PITPNC1: variants seen among roughly 807,000 people sequenced by gnomAD.
The protein encoded by PITPNC1 is cytoplasmic phosphatidylinositol transfer protein 1.
PITPNC1 carries 18 observed loss-of-function variants against 44.7 expected under a neutral mutation model. The observed-to-expected ratio is 0.40, with a 90% CI of 0.28 to 0.60. PITPNC1 has a LOEUF of 0.60. PITPNC1 is among the 20% of genes least tolerant of loss of function. The probability of loss-of-function intolerance (pLI) is 0.39; values close to 1 mark genes in which losing one functional copy is unlikely to be tolerated. For synonymous variants in PITPNC1, 141 were observed against 149.6 expected, an observed-to-expected ratio of 0.94 and a Z score of 0.42; for missense variants, 290 against 418.4, an observed-to-expected ratio of 0.69 and a Z score of 2.68.
chr17:67,653,774 T>C (rs1011179946), intron 6 of PITPNC1, among the ~76,000 whole-genome samples: 4 of 152,182 alleles, frequency 2.6e-5, no homozygotes, highest in Admixed American at 1.3e-4. Flanking sequence ...TGAGTTAATG[T>C]AGGATTTCTT....
At chr17:67,635,562 G>A (rs2042023031) in intron 6 of PITPNC1, among the ~76,000 whole-genome samples, 1 of 152,162 alleles carries the variant, frequency 6.6e-6, no homozygotes, top group Non-Finnish European at 1.5e-5. Context: ...AGAGTATTTG[G>A]CGAATAGGAG....
At chr17:67,569,608 A>G (rs745862114) in intron 4 of PITPNC1, among the ~76,000 whole-genome samples, 21 of 152,210 alleles carry the variant, frequency 1.4e-4, no homozygotes, top group Non-Finnish European at 2.8e-4. Flanking sequence ...TGGAAGGCCA[A>G]TTATAGATGC....
intron 8 of PITPNC1, among the ~76,000 whole-genome samples, chr17:67,683,830 C>T (rs1467912655): frequency 6.6e-6 from 1 of 150,528 alleles, no homozygotes; most frequent in East Asian, 2.0e-4. Flanking sequence ...ATACAAAAAT[C>T]AGCCGGGCGT....
rs774252698 is a variant in PITPNC1, at chr17:67,542,674, T to C, written c.198-9583T>C. Among the ~76,000 whole-genome samples, 39 of 152,166 alleles carry C rather than the reference T, an allele frequency of 2.6e-4. 1 individual carries two copies. Among genetic ancestry groups the C allele is most frequent in the Non-Finnish European group, 5.0e-4 (34 of 68,036 alleles). ...GATGTTCCCAGTGCCCATTTAATAA[T>C]GTACACAGACAATTATCATTGACCT... On this transcript the variant is annotated intron_variant, in intron 2 of 8. Transcript: ENST00000581322.
intron 5 of PITPNC1, among the ~76,000 whole-genome samples, chr17:67,599,030 A>ATTTTT (rs2041503726): frequency 3.3e-5 from 1 of 30,204 alleles, no homozygotes; most frequent in Admixed American, 3.7e-4. Flanking sequence ...ATATATATAT[A>ATTTTT]TATATTTTTT....
chr17:67,678,180 C>T lies in PITPNC1; in HGVS notation c.682+2638C>T, dbSNP rs192391370. ...GCAGTGAGCTATGATCGCAGCACTG[C>T]ACTCTAGCCTGGGTGACCGAACAAG... On this transcript the variant is annotated intron_variant, in intron 8 of 8. Transcript: ENST00000581322. Among the ~76,000 whole-genome samples, 977 of 150,516 alleles carry T rather than the reference C, an allele frequency of 6.5e-3. 7 individuals are homozygous for T. The highest frequency in any genetic ancestry group is 0.023 in the African/African-American group (940 of 40,884).
intron 6 of PITPNC1, among the ~76,000 whole-genome samples, chr17:67,636,988 G>C (rs964524174): frequency 6.6e-6 from 1 of 152,050 alleles, no homozygotes; most frequent in Admixed American, 6.6e-5. Context: ...AGTTTTCCTG[G>C]GCATGCCCCC....
At chr17:67,495,958 A>G (rs1400685733) in intron 1 of PITPNC1, among the ~76,000 whole-genome samples, 3 of 152,242 alleles carry the variant, frequency 2.0e-5, no homozygotes, top group African/African-American at 7.2e-5. Flanking sequence ...TAGAAATGCC[A>G]TTGGATGTAG....
chr17:67,631,536 G>A (rs1489544314), intron 5 of PITPNC1, among the ~76,000 whole-genome samples: 2 of 131,974 alleles, frequency 1.5e-5, no homozygotes, highest in Non-Finnish European at 3.2e-5. Context: ...GGCTGAGGCA[G>A]GAGAATGGCA....
chr17:67,575,643 T>G (rs563489065), intron 4 of PITPNC1, among the ~76,000 whole-genome samples: 2 of 152,204 alleles, frequency 1.3e-5, no homozygotes, highest in African/African-American at 4.8e-5. Context: ...AGCATGTGTG[T>G]GCTATAGCCA....
intron 5 of PITPNC1, among the ~76,000 whole-genome samples, chr17:67,602,066 G>A (rs865970268): frequency 1.2e-4 from 18 of 152,204 alleles, no homozygotes; most frequent in Non-Finnish European, 7.3e-5. Context: ...GCAGTGTGGT[G>A]ATTTGGGAAA....
chr17:67,655,558 CAAA>C (rs796111267), intron 6 of PITPNC1, among the ~76,000 whole-genome samples: 714 of 41,956 alleles, frequency 0.017, 4 homozygotes, highest in African/African-American at 0.054. Flanking sequence ...AGACTCATCT[CAAA>C]AAAAAAAAAA....
At chr17:67,431,097 C>T (rs2038850338) in intron 1 of PITPNC1, among the ~76,000 whole-genome samples, 1 of 136,002 alleles carries the variant, frequency 7.4e-6, no homozygotes, top group South Asian at 2.3e-4. Context: ...ATTGCTCTGT[C>T]GCCCAGGCCG....
chr17:67,579,508 T>C (rs2041197168), intron 5 of PITPNC1, among the ~76,000 whole-genome samples: 1 of 152,152 alleles, frequency 6.6e-6, no homozygotes, highest in Admixed American at 6.5e-5. Context: ...GCCATTTTCC[T>C]GTCACAGCCT....
intron 1 of PITPNC1, among the ~76,000 whole-genome samples, chr17:67,476,526 C>T (rs982726871): frequency 5.3e-5 from 8 of 152,130 alleles, no homozygotes; most frequent in East Asian, 1.9e-4. Flanking sequence ...TGCTTGATAG[C>T]AAGAGCTGGA....
intron 4 of PITPNC1, among the ~76,000 whole-genome samples, chr17:67,574,571 C>G (rs1036327228): frequency 4.6e-5 from 7 of 152,128 alleles, no homozygotes; most frequent in African/African-American, 1.4e-4. Flanking sequence ...AATAAAAGAC[C>G]TTGCTTTAAA....
chr17:67,566,735 TCA>T (rs1294279274), intron 4 of PITPNC1, among the ~76,000 whole-genome samples: 1 of 152,226 alleles, frequency 6.6e-6, no homozygotes, highest in East Asian at 1.9e-4. Context: ...TATGACAGAT[TCA>T]CACACACATA....
chr17:67,458,530 C>T (rs890279527), intron 1 of PITPNC1, among the ~76,000 whole-genome samples: 1 of 152,150 alleles, frequency 6.6e-6, no homozygotes, highest in Non-Finnish European at 1.5e-5. Context: ...GTTTTCACAT[C>T]TGACTCTTAC....
intron 1 of PITPNC1, among the ~76,000 whole-genome samples, chr17:67,496,685 C>T (rs1015679142): frequency 2.0e-5 from 3 of 151,970 alleles, no homozygotes; most frequent in Non-Finnish European, 4.4e-5. Flanking sequence ...ATTTTCAACC[C>T]CAGACTCATA....
Sources: gnomAD v4.1 joint callset for allele counts (sites outside exome capture counted in the v4.1 genomes callset) on GRCh38, gnomAD v4.1.1 for gene constraint, MANE v1.5 for transcripts, NCBI Gene and HGNC (gene_info 2026-07-23, HGNC 2026-07-21) for gene names.